Variants in ALPK1 observed in about 807,000 individuals in gnomAD.
ALPK1 encodes the protein alpha-protein kinase 1.
ALPK1 carries 110 observed loss-of-function variants against 120.6 expected under a neutral mutation model. The observed-to-expected ratio is 0.91, with a 90% CI of 0.78 to 1.07. The LOEUF (loss-of-function observed/expected upper bound fraction) is 1.07. Among genes scored for constraint, ALPK1 ranks in the 50% least tolerant of loss-of-function variants. The pLI, the probability that ALPK1 is intolerant of heterozygous loss-of-function variation, is 0.00. For synonymous variants in ALPK1, 582 were observed against 560.3 expected (o/e 1.04, Z -0.55); for missense variants, 1,498 against 1,483.9 (o/e 1.01, Z -0.16).
Position 112,300,771 on chromosome 4 carries a change from C to A in ALPK1, c.-153+3302C>A, listed in dbSNP as rs138338876. ...CCTGTGTGCAAATAACCTCTTAACT[C>A]ATTTCTTGTTCTTATGGATTTCCAT... On this transcript the variant is annotated intron_variant, in intron 1 of 15. Coordinates refer to ENST00000650871, the MANE Select transcript of ALPK1 (RefSeq NM_025144.4). Among the ~76,000 whole-genome samples the A allele has an allele frequency of 3.3e-5, 5 of 150,848 alleles. No homozygotes were observed. The East Asian group carries it at 9.7e-4, about 29-fold the overall frequency.
chr4:112,306,192 A>T (rs962497812), intron 1 of ALPK1, among the ~76,000 whole-genome samples: 3 of 151,850 alleles, frequency 2.0e-5, no homozygotes, highest in East Asian at 1.9e-4. Flanking sequence ...TTCATCAGGG[A>T]TATTGGTCTA....
chr4:112,332,111 TCACTCTACGGTCC>T (rs1729405887), intron 2 of ALPK1, among the ~76,000 whole-genome samples: 2 of 152,338 alleles, frequency 1.3e-5, no homozygotes, highest in South Asian at 2.1e-4. Context: ...CCACAGTCAC[TCACTCTACGGTCC>T]CAAGGGCTAA....
rs539337423 is a variant in ALPK1, at chr4:112,353,688, C to G, written c.-100-23990C>G. On this transcript the variant is annotated intron_variant, in intron 2 of 15. Coordinates refer to ENST00000650871, the MANE Select transcript of ALPK1 (RefSeq NM_025144.4). ...TTCAAGACCAGCCCAGCCAACATGGCAAAACCCTGTCTCTACTAAAAACAC... is the reference window on the plus strand; with the variant it reads ...TTCAAGACCAGCCCAGCCAACATGGGAAAACCCTGTCTCTACTAAAAACAC... Among the ~76,000 whole-genome samples the G allele has an allele frequency of 4.7e-4, 71 of 152,136 alleles. 1 individual carries two copies. Among genetic ancestry groups the G allele is most frequent in the African/African-American group, 1.7e-3 (70 of 41,522 alleles).
chr4:112,312,260 A>G (rs1728437587), intron 1 of ALPK1, among the ~76,000 whole-genome samples: 1 of 151,930 alleles, frequency 6.6e-6, no homozygotes, highest in South Asian at 2.1e-4. Context: ...TAATGATACA[A>G]TGTTTTAAAA....
At chr4:112,429,332 A>G in intron 10 of ALPK1, 79 bp downstream of exon 10, 6 of 1,141,374 alleles carry the variant, frequency 5.3e-6, no homozygotes, top group Non-Finnish European at 6.3e-6. Flanking sequence ...TGAGAAGGGA[A>G]AGGTTTAACC....
intron 2 of ALPK1, among the ~76,000 whole-genome samples, chr4:112,348,227 G>C (rs966089667): frequency 6.6e-6 from 1 of 152,156 alleles, no homozygotes; most frequent in African/African-American, 2.4e-5. Flanking sequence ...GTGAAATCTA[G>C]TTCTTGATTC....
intron 2 of ALPK1, chr4:112,353,096 C>T (rs1198020603): frequency 6.6e-6 from 1 of 152,024 alleles, no homozygotes; most frequent in Non-Finnish European, 1.5e-5. Context: ...CTACCTCAGC[C>T]TCCTGAGTAG....
chr4:112,307,080 C>G (rs1728105032), intron 1 of ALPK1, among the ~76,000 whole-genome samples: 1 of 152,010 alleles, frequency 6.6e-6, no homozygotes. Flanking sequence ...TTTCTTAATC[C>G]TGAGTTTTAG....
At chr4:112,423,744 C>T (rs1334309808) in intron 5 of ALPK1, 200 bp from the exon 6 acceptor site, 1 of 693,886 alleles carries the variant, frequency 1.4e-6, no homozygotes, top group Non-Finnish European at 2.6e-6. Context: ...CAACTTCCCA[C>T]CTTACCAACT....
At chr4:112,342,083 G>A (rs1046268568) in intron 2 of ALPK1, among the ~76,000 whole-genome samples, 1 of 152,088 alleles carries the variant, frequency 6.6e-6, no homozygotes, top group African/African-American at 2.4e-5. Flanking sequence ...CAGAGAAGAA[G>A]AGAATAAGAA....
chr4:112,357,581 T>G, intron 2 of ALPK1: 2 of 1,518,998 alleles, frequency 1.3e-6, no homozygotes, highest in South Asian at 1.1e-5. Flanking sequence ...GGGTCCTCCT[T>G]TGCCCTGGAG....
Position 112,411,989 on chromosome 4 carries a change from G to A in ALPK1, c.439G>A (p.Val147Met). Residue 147 changes from valine (V) to methionine (M), a missense_variant, in exon 5 of 16, where the codon GTG becomes ATG. Val to Met is a conservative substitution (Grantham distance 21). Transcript: ENST00000650871. Reference protein sequence around the residue: ...LQPATPIAPQVVIRQARISVN... With the variant: ...LQPATPIAPQMVIRQARISVN... ...GCCAGCCACGCCAATTGCCCCGCAG[G>A]TGGTTATTCGCCAAGCCCGAATCTC... is the stretch of plus-strand genomic sequence containing the variant. 1 of 1,614,140 alleles carries A rather than the reference G, an allele frequency of 6.2e-7. No individual in the cohort carries two copies. Among genetic ancestry groups the A allele is most frequent in the Non-Finnish European group, 8.5e-7 (1 of 1,180,038 alleles).
At chr4:112,363,917 C>T (rs1578502659) in intron 2 of ALPK1, among the ~76,000 whole-genome samples, 1 of 152,276 alleles carries the variant, frequency 6.6e-6, no homozygotes, top group East Asian at 1.9e-4. Context: ...ACCATCAAGA[C>T]CATGCAAATA....
chr4:112,299,929 A>AG (rs1560626574), intron 1 of ALPK1, among the ~76,000 whole-genome samples: 1 of 152,128 alleles, frequency 6.6e-6, no homozygotes, highest in South Asian at 2.1e-4. Context: ...CTCAGGGGCC[A>AG]GGGGGGACTT....
chr4:112,423,744 C>A, intron 5 of ALPK1, 200 bp from the exon 6 acceptor site: 1 of 693,886 alleles, frequency 1.4e-6, no homozygotes, highest in Non-Finnish European at 2.6e-6. Context: ...CAACTTCCCA[C>A]CTTACCAACT....
At chr4:112,355,220 G>C (rs1468511576) in intron 2 of ALPK1, among the ~76,000 whole-genome samples, 2 of 152,108 alleles carry the variant, frequency 1.3e-5, no homozygotes, top group African/African-American at 4.8e-5. Context: ...CTAAGCATTT[G>C]TTGCAAATTT....
intron 4 of ALPK1, among the ~76,000 whole-genome samples, chr4:112,387,454 C>T (rs1350659989): frequency 2.6e-5 from 4 of 152,084 alleles, no homozygotes; most frequent in Admixed American, 6.5e-5. Context: ...TGTCAGTCAG[C>T]CCTGGATTTA....
Position 112,431,192 on chromosome 4 carries a change from T to C in ALPK1, c.1645T>C (p.Leu549=), listed in dbSNP as rs1017177408. ...WTHSDAFRVS[L]DQDVETETEP... is the part of the protein sequence containing the mutation. The stretch of plus-strand genomic sequence containing the variant: ...CCATTCTGATGCATTTCGAGTCTCC[T>C]TGGATCAAGATGTGGAGACTGAGAC... Residue 549 remains leucine, a synonymous_variant, in exon 11 of 16, where the codon TTG becomes CTG. Coordinates refer to ENST00000650871, the MANE Select transcript of ALPK1 (RefSeq NM_025144.4). 3.1e-6 allele frequency: 5 copies of C among 1,614,028 alleles called. No individual in the cohort carries two copies. In the African/African-American group the frequency reaches 6.7e-5, roughly 22 times the overall value.
intron 4 of ALPK1, among the ~76,000 whole-genome samples, chr4:112,409,463 T>C (rs1323933533): frequency 2.0e-5 from 3 of 152,066 alleles, no homozygotes; most frequent in African/African-American, 7.2e-5. Flanking sequence ...TTAATTCTAA[T>C]ACAGGGTAAG....
Sources: allele counts gnomAD v4.1 joint callset (sites outside exome capture counted in the v4.1 genomes callset), GRCh38; gene constraint gnomAD v4.1.1; transcripts MANE v1.5; gene names NCBI Gene and HGNC (gene_info 2026-07-23, HGNC 2026-07-21).